Variants in ZNF503 observed in about 807,000 individuals in gnomAD.
ZNF503 encodes zinc finger protein 503.
A neutral mutation model predicts 34.4 loss-of-function variants in ZNF503; 15 were observed. The ratio of observed to expected loss-of-function variants is 0.44; its 90% CI spans 0.29 to 0.67. ZNF503 has a LOEUF of 0.67. Ranked by LOEUF, ZNF503 falls within the 30% of genes least tolerant of loss-of-function variation. ZNF503 has a pLI of 0.13. For synonymous variants in ZNF503, 580 were observed against 456.8 expected (o/e 1.27, Z -3.44); for missense variants, 1,007 against 926.8 (o/e 1.09, Z -1.12).
At chr10:75,313,209 G>A in the ZNF503 span, among the ~76,000 whole-genome samples, 1 of 152,150 alleles carries the variant, frequency 6.6e-6, no homozygotes, top group Non-Finnish European at 1.5e-5. Flanking sequence ...GCAAAATAGG[G>A]GTTTTTTTGC....
the ZNF503 span, among the ~76,000 whole-genome samples, chr10:75,347,597 C>A: frequency 3.9e-5 from 6 of 152,236 alleles, no homozygotes; most frequent in Non-Finnish European, 1.5e-5. Context: ...GCACTGCAGT[C>A]AAAATGGGGG....
intron 1 of ZNF503, 53 bp from the exon 2 acceptor site, chr10:75,400,427 C>A (rs1419682322): frequency 6.5e-7 from 1 of 1,537,466 alleles, no homozygotes; most frequent in East Asian, 2.3e-5. Flanking sequence ...GAAGTGGAAA[C>A]CCTTTAGAAT....
chr10:75,329,207 G>A, the ZNF503 span, among the ~76,000 whole-genome samples: 1 of 151,752 alleles, frequency 6.6e-6, no homozygotes, highest in African/African-American at 2.4e-5. Flanking sequence ...TTCTTTCTTG[G>A]CTAGTTTATT....
the ZNF503 span, among the ~76,000 whole-genome samples, chr10:75,371,327 A>G: frequency 6.6e-6 from 1 of 152,254 alleles, no homozygotes; most frequent in Non-Finnish European, 1.5e-5. Flanking sequence ...AGCCTGGGAC[A>G]GAATTGTTCA....
At chr10:75,320,652 T>TA in the ZNF503 span, among the ~76,000 whole-genome samples, 351 of 151,826 alleles carry the variant, frequency 2.3e-3, 2 homozygotes, top group South Asian at 8.7e-3. Flanking sequence ...ACCCCATCTC[T>TA]AAAAAAAATT....
At chr10:75,389,373 T>C in the ZNF503 span, among the ~76,000 whole-genome samples, 1 of 152,184 alleles carries the variant, frequency 6.6e-6, no homozygotes, top group Non-Finnish European at 1.5e-5. Flanking sequence ...CAGTGCCCTC[T>C]TGGACCCAGT....
At chr10:75,400,518 C>A in intron 1 of ZNF503, 144 bp from the exon 2 acceptor site, 1 of 1,420,248 alleles carries the variant, frequency 7.0e-7, no homozygotes, top group Non-Finnish European at 9.2e-7. Flanking sequence ...CTAGGCGGCA[C>A]CCCCTCTTCA....
At chr10:75,305,118 A>T in the ZNF503 span, among the ~76,000 whole-genome samples, 1 of 152,144 alleles carries the variant, frequency 6.6e-6, no homozygotes, top group African/African-American at 2.4e-5. Flanking sequence ...TCAAAATATT[A>T]TTATAAATTT....
chr10:75,285,522 T>C, the ZNF503 span, among the ~76,000 whole-genome samples: 1 of 152,224 alleles, frequency 6.6e-6, no homozygotes, highest in Non-Finnish European at 1.5e-5. Context: ...AGACTTAAGT[T>C]GACTTGCAAG....
chr10:75,343,129 G>A, the ZNF503 span: 2 of 152,256 alleles, frequency 1.3e-5, no homozygotes, highest in Non-Finnish European at 2.9e-5. Flanking sequence ...CACCTCCTGT[G>A]TGTGTCTCCT....
chr10:75,297,873 C>G, the ZNF503 span, among the ~76,000 whole-genome samples: 1 of 152,198 alleles, frequency 6.6e-6, no homozygotes, highest in Non-Finnish European at 1.5e-5. Flanking sequence ...TTTTAAGATA[C>G]ATTCTCATCC....
the ZNF503 span, among the ~76,000 whole-genome samples, chr10:75,308,946 A>T: frequency 6.6e-6 from 1 of 152,020 alleles, no homozygotes; most frequent in Non-Finnish European, 1.5e-5. Context: ...GGCTCAAGTG[A>T]TCCTCCCACC....
At chr10:75,307,164 G>A in the ZNF503 span, among the ~76,000 whole-genome samples, 5 of 152,304 alleles carry the variant, frequency 3.3e-5, no homozygotes, top group East Asian at 9.6e-4. Context: ...TGAAAGCTAG[G>A]CCTCTTGCAC....
At chr10:75,356,500 C>T in the ZNF503 span, among the ~76,000 whole-genome samples, 1 of 152,236 alleles carries the variant, frequency 6.6e-6, no homozygotes, top group African/African-American at 2.4e-5. Flanking sequence ...CAGGCGTGAG[C>T]CACCGCCCCC....
the ZNF503 span, among the ~76,000 whole-genome samples, chr10:75,325,241 G>A: frequency 1.3e-5 from 2 of 151,924 alleles, no homozygotes; most frequent in African/African-American, 4.8e-5. Flanking sequence ...AAAATCAGCT[G>A]ACTCTATTTG....
At chr10:75,356,949 T>A in the ZNF503 span, among the ~76,000 whole-genome samples, 1 of 152,190 alleles carries the variant, frequency 6.6e-6, no homozygotes, top group Non-Finnish European at 1.5e-5. Context: ...ACAAGTTGTT[T>A]TTTTATTTAT....
At chr10:75,394,200 A>T (rs116178250), downstream of ZNF503, among the ~76,000 whole-genome samples, 740 of 152,390 alleles carry the variant, frequency 4.9e-3, 9 homozygotes, top group African/African-American at 0.017. Context: ...TTACATGGGT[A>T]AACTTGTGTC....
the ZNF503 span, among the ~76,000 whole-genome samples, chr10:75,371,034 G>T: frequency 1.3e-5 from 2 of 152,196 alleles, no homozygotes; most frequent in South Asian, 4.2e-4. Context: ...GCAGGAAAAA[G>T]GGTCCAGGGA....
the ZNF503 span, among the ~76,000 whole-genome samples, chr10:75,304,647 T>C: frequency 1.3e-5 from 2 of 152,232 alleles, no homozygotes; most frequent in South Asian, 4.1e-4. Flanking sequence ...ATGTAAATAA[T>C]AAAATTTAAC....
Sources: gnomAD v4.1 joint callset for allele counts (sites outside exome capture counted in the v4.1 genomes callset) on GRCh38, gnomAD v4.1.1 for gene constraint, MANE v1.5 for transcripts, NCBI Gene and HGNC (gene_info 2026-07-23, HGNC 2026-07-21) for gene names.